UBE2E2: variants seen among roughly 807,000 people sequenced by gnomAD.
UBE2E2 encodes ubiquitin conjugating enzyme E2 E2, also known as ubiquitin-conjugating enzyme E2 E2.
A neutral mutation model predicts 24.7 loss-of-function variants in UBE2E2; 6 were observed. The ratio of observed to expected loss-of-function variants is 0.24; its 90% CI spans 0.13 to 0.48. UBE2E2 has a LOEUF of 0.48. UBE2E2 is among the 20% of genes least tolerant of loss of function. The pLI, the probability that UBE2E2 is intolerant of heterozygous loss-of-function variation, is 0.99. For synonymous variants in UBE2E2, 104 were observed against 83.6 expected (o/e 1.24, Z -1.33); for missense variants, 169 against 245.0 (o/e 0.69, Z 2.07).
intron 3 of UBE2E2, among the ~76,000 whole-genome samples, chr3:23,479,450 T>C (rs1044420306): frequency 6.6e-6 from 1 of 152,032 alleles, no homozygotes; most frequent in Non-Finnish European, 1.5e-5. Flanking sequence ...ATGTCAACAG[T>C]CCTAGCTCAG....
At chr3:23,473,733 A>G (rs1479333945) in intron 3 of UBE2E2, among the ~76,000 whole-genome samples, 1 of 152,084 alleles carries the variant, frequency 6.6e-6, no homozygotes, top group Admixed American at 6.5e-5. Flanking sequence ...TATGCCATTA[A>G]TTAATTCCTT....
At chr3:23,406,269 C>G (rs546445797) in intron 3 of UBE2E2, among the ~76,000 whole-genome samples, 1 of 152,230 alleles carries the variant, frequency 6.6e-6, no homozygotes, top group Non-Finnish European at 1.5e-5. Context: ...CTCTTTTTCT[C>G]TTTCTTTTTT....
intron 5 of UBE2E2, among the ~76,000 whole-genome samples, chr3:23,575,758 C>T (rs549686685): frequency 6.6e-6 from 1 of 152,204 alleles, no homozygotes; most frequent in East Asian, 1.9e-4. Flanking sequence ...GGAATCTGCC[C>T]TCCAGAAGTA....
At chr3:23,360,366 T>G (rs1223174121) in intron 3 of UBE2E2, among the ~76,000 whole-genome samples, 2 of 152,320 alleles carry the variant, frequency 1.3e-5, no homozygotes, top group Middle Eastern at 3.4e-3. Flanking sequence ...AGATTAATTT[T>G]ACTTCTGCTG....
intron 3 of UBE2E2, among the ~76,000 whole-genome samples, chr3:23,255,639 T>C (rs555823400): frequency 1.1e-4 from 16 of 152,294 alleles, no homozygotes; most frequent in African/African-American, 3.8e-4. Context: ...GTGATCAGTC[T>C]AAGCTCTCTC....
Position 23,236,091 on chromosome 3 carries a change from G to A in UBE2E2, c.227+18779G>A, listed in dbSNP as rs1490424642. Among the ~76,000 whole-genome samples the A allele has an allele frequency of 1.7e-4, 26 of 152,244 alleles. No homozygotes were observed. In the East Asian group the frequency reaches 4.8e-3, roughly 28 times the overall value. Reference sequence around the variant, plus strand: ...GGGTGAACTAGCAGCTAGCAGAGGAGTCCTAAGGAGTTTGCCATCTAGGGG... The same window carrying A: ...GGGTGAACTAGCAGCTAGCAGAGGAATCCTAAGGAGTTTGCCATCTAGGGG... On this transcript the variant is annotated intron_variant, in intron 3 of 5. Transcript: ENST00000396703.
chr3:23,382,569 A>G (rs12386394), intron 3 of UBE2E2, among the ~76,000 whole-genome samples: 82,934 of 152,052 alleles, frequency 0.55, 22,851 homozygotes, highest in Admixed American at 0.66. Flanking sequence ...ATTTTAAAAT[A>G]ACTCCAAATT....
At chr3:23,349,522 TC>T (rs1450181197) in intron 3 of UBE2E2, among the ~76,000 whole-genome samples, 1 of 152,142 alleles carries the variant, frequency 6.6e-6, no homozygotes, top group Non-Finnish European at 1.5e-5. Context: ...ATTGGGTCAC[TC>T]CCATCCTAAT....
At chr3:23,561,981 G>C (rs1398614551) in intron 5 of UBE2E2, among the ~76,000 whole-genome samples, 3 of 152,168 alleles carry the variant, frequency 2.0e-5, no homozygotes, top group African/African-American at 7.2e-5. Context: ...GAGACAATGG[G>C]ATTTTCTAGA....
At chr3:23,255,648 T>C (rs1357720615) in intron 3 of UBE2E2, among the ~76,000 whole-genome samples, 1 of 152,216 alleles carries the variant, frequency 6.6e-6, no homozygotes, top group African/African-American at 2.4e-5. Flanking sequence ...CTAAGCTCTC[T>C]CTTTTTTCTA....
intron 4 of UBE2E2, among the ~76,000 whole-genome samples, chr3:23,503,843 A>G (rs1266162296): frequency 6.7e-6 from 1 of 149,440 alleles, no homozygotes; most frequent in Non-Finnish European, 1.5e-5. Context: ...ACGGAGCAAG[A>G]CTCTGTCTCT....
intron 5 of UBE2E2, among the ~76,000 whole-genome samples, chr3:23,571,371 C>G (rs2125512542): frequency 7.0e-6 from 1 of 143,438 alleles, no homozygotes; most frequent in East Asian, 2.2e-4. Context: ...CTCACTGCAA[C>G]CTCCGTTTCC....
intron 3 of UBE2E2, among the ~76,000 whole-genome samples, chr3:23,258,785 C>T (rs6762546): frequency 0.16 from 24,458 of 148,486 alleles, 2,045 homozygotes; most frequent in South Asian, 0.23. Context: ...CCCAGCTACT[C>T]GGGAGGCTGA....
chr3:23,258,399 C>A (rs922356317), intron 3 of UBE2E2, among the ~76,000 whole-genome samples: 6 of 152,144 alleles, frequency 3.9e-5, no homozygotes, highest in African/African-American at 1.2e-4. Context: ...ACAATTTAAA[C>A]ATGTTCGTAT....
intron 3 of UBE2E2, among the ~76,000 whole-genome samples, chr3:23,303,777 G>A (rs1699169808): frequency 6.6e-6 from 1 of 152,042 alleles, no homozygotes; most frequent in African/African-American, 2.4e-5. Flanking sequence ...ATAGAACTAG[G>A]GAACAATTTG....
At chr3:23,311,561 T>C (rs1694393084) in intron 3 of UBE2E2, among the ~76,000 whole-genome samples, 1 of 152,144 alleles carries the variant, frequency 6.6e-6, no homozygotes, top group Non-Finnish European at 1.5e-5. Context: ...CAGTGGCTGC[T>C]TGTACAACCT....
chr3:23,223,024 CCTT>C (rs1226045314), intron 3 of UBE2E2, among the ~76,000 whole-genome samples: 28 of 101,832 alleles, frequency 2.7e-4, no homozygotes, highest in African/African-American at 6.3e-4. Flanking sequence ...GCCCCCCCCC[CCTT>C]TTTTTTTTTT....
chr3:23,242,577 A>G (rs969493527), intron 3 of UBE2E2, among the ~76,000 whole-genome samples: 1 of 152,024 alleles, frequency 6.6e-6, no homozygotes, highest in Non-Finnish European at 1.5e-5. Flanking sequence ...GATTTAGATG[A>G]TGGTCATTTT....
intron 2 of UBE2E2, among the ~76,000 whole-genome samples, chr3:23,211,408 T>TTTC (rs1696320408): frequency 1.3e-5 from 1 of 75,958 alleles, no homozygotes; most frequent in South Asian, 4.7e-4. Flanking sequence ...CTCTGTGGTC[T>TTTC]TTTTTTTTTT....
Sources: gnomAD v4.1 joint callset for allele counts (sites outside exome capture counted in the v4.1 genomes callset) on GRCh38, gnomAD v4.1.1 for gene constraint, MANE v1.5 for transcripts, NCBI Gene and HGNC (gene_info 2026-07-23, HGNC 2026-07-21) for gene names.